PCDHGB1: variants seen among roughly 807,000 people sequenced by gnomAD.
PCDHGB1 encodes protocadherin gamma-B1.
PCDHGB1 carries 34 observed loss-of-function variants against 56.6 expected under a neutral mutation model. That is an observed-to-expected ratio of 0.60 (90% CI 0.46 to 0.80). The LOEUF is 0.80. Ranked by LOEUF, PCDHGB1 falls within the 30% of genes least tolerant of loss-of-function variation. The probability of loss-of-function intolerance (pLI) is 0.00; values close to 1 mark genes in which losing one functional copy is unlikely to be tolerated. For synonymous variants in PCDHGB1, 561 were observed against 505.9 expected (o/e 1.11, Z -1.46); for missense variants, 1,278 against 1,204.6 (o/e 1.06, Z -0.90).
chr5:141,429,264 A>T (rs1029363907), intron 1 of PCDHGB1: 1 of 151,938 alleles, frequency 6.6e-6, no homozygotes, highest in Non-Finnish European at 1.5e-5. Flanking sequence ...TGAGGAATAA[A>T]TTTTTTTCCT....
Position 141,490,252 on chromosome 5 carries a change from G to A in PCDHGB1, c.2410-4555G>A, listed in dbSNP as rs150107963. The A allele has an allele frequency of 1.9e-6, 3 of 1,614,252 alleles. No homozygotes were observed. Among genetic ancestry groups the A allele is most frequent in the Non-Finnish European group, 1.7e-6 (2 of 1,180,046 alleles). The stretch of plus-strand genomic sequence containing the variant: ...CATGGAGGGCCACTGTGTGATTCAA[G>A]TGGATGTGGGGGATGTCAATGACAA... On this transcript the variant is annotated intron_variant, in intron 1 of 3. Coordinates refer to ENST00000523390, the MANE Select transcript of PCDHGB1 (RefSeq NM_018922.3). This position sits in a 1 kb window ranked among gnomAD's most constrained non-coding sequence, Gnocchi z 5.4.
chr5:141,393,981 T>G, intron 1 of PCDHGB1: 3 of 1,613,792 alleles, frequency 1.9e-6, no homozygotes, highest in Non-Finnish European at 2.5e-6. Flanking sequence ...ACGTGATAAT[T>G]TACCTTTTAA....
rs766852982 is a variant in PCDHGB1, at chr5:141,486,907, A to G, written c.2410-7900A>G. ...CCCGGCCTGGTTCCTTATGTCCCCA[A>G]GCACTGCCTCCATCAGTTGGTGCTG... On this transcript the variant is annotated intron_variant, in intron 1 of 3. Coordinates refer to ENST00000523390, the MANE Select transcript of PCDHGB1 (RefSeq NM_018922.3). The surrounding 1 kb of genome is among the most constrained non-coding windows in gnomAD (Gnocchi z 5.0). 6.2e-5 allele frequency: 100 copies of G among 1,614,122 alleles called. No homozygotes were observed. The highest frequency in any genetic ancestry group is 8.0e-5 in the Non-Finnish European group (94 of 1,180,056).
intron 1 of PCDHGB1, chr5:141,395,176 A>G (rs750497200): frequency 1.1e-5 from 18 of 1,614,206 alleles, no homozygotes; most frequent in East Asian, 8.9e-5. Flanking sequence ...TGTGAGAAAA[A>G]TGATTCTTTG....
intron 1 of PCDHGB1, chr5:141,426,414 G>A (rs2096934345): frequency 3.5e-6 from 1 of 287,986 alleles, no homozygotes; most frequent in Admixed American, 4.4e-5. Context: ...AAACGGTCCA[G>A]GGCTCCGTGG....
In PCDHGB1 at chr5:141,431,430, G is replaced by A; in HGVS notation, c.2410-63377G>A. ...GACGGGGGCGACCCGGTGCGCACAG[G>A]CACCGCGCGCATCCGCGTGATGGTT... is the stretch of plus-strand genomic sequence containing the variant. On this transcript the variant is annotated intron_variant, in intron 1 of 3. Coordinates refer to ENST00000523390, the MANE Select transcript of PCDHGB1 (RefSeq NM_018922.3). The surrounding 1 kb of genome is among the most constrained non-coding windows in gnomAD (Gnocchi z 4.8). 1 of 1,613,680 alleles carries A rather than the reference G, an allele frequency of 6.2e-7. No individual in the cohort carries two copies. The highest frequency in any genetic ancestry group is 8.5e-7 in the Non-Finnish European group (1 of 1,180,018).
chr5:141,388,378 A>G, intron 1 of PCDHGB1: 1 of 1,614,028 alleles, frequency 6.2e-7, no homozygotes, highest in Non-Finnish European at 8.5e-7. Context: ...ATTGGTAGCA[A>G]CACACTGCAG....
chr5:141,357,346 C>G lies in PCDHGB1; in HGVS notation c.2409+4677C>G, dbSNP rs1200320235. On this transcript the variant is annotated intron_variant, in intron 1 of 3. Coordinates refer to ENST00000523390, the MANE Select transcript of PCDHGB1 (RefSeq NM_018922.3). ...TGTCACGGTGCTGCTAGCACTCAAGCTGAGACGCTGGCACAAGTCACGCCT... is the reference window on the plus strand; with the variant it reads ...TGTCACGGTGCTGCTAGCACTCAAGGTGAGACGCTGGCACAAGTCACGCCT... The G allele has an allele frequency of 1.9e-6, 3 of 1,614,002 alleles. No individual in the cohort carries two copies. Among genetic ancestry groups the G allele is most frequent in the Non-Finnish European group, 2.5e-6 (3 of 1,179,964 alleles).
chr5:141,421,847 C>G, intron 1 of PCDHGB1: 1 of 1,613,752 alleles, frequency 6.2e-7, no homozygotes, highest in Non-Finnish European at 8.5e-7. Flanking sequence ...GAGAAAGAGG[C>G]TGCTCACCTG....
intron 1 of PCDHGB1, chr5:141,418,005 A>G: frequency 6.2e-7 from 1 of 1,613,764 alleles, no homozygotes. Flanking sequence ...GTGGTGGGGA[A>G]CCTCGCTAAG....
chr5:141,413,483 G>A (rs2095646690), intron 1 of PCDHGB1: 1 of 1,614,080 alleles, frequency 6.2e-7, no homozygotes, highest in East Asian at 2.2e-5. Flanking sequence ...TGCGCTCAGA[G>A]CGCGCGGTGC....
At chr5:141,456,220 T>C (rs965297694) in intron 1 of PCDHGB1, among the ~76,000 whole-genome samples, 1 of 152,098 alleles carries the variant, frequency 6.6e-6, no homozygotes, top group Admixed American at 6.6e-5. Context: ...TGTGGCGATA[T>C]CAAACTAACT....
rs1421124374 is a variant in PCDHGB1, at chr5:141,431,186, A to G, written c.2410-63621A>G. The G allele has an allele frequency of 1.9e-6, 3 of 1,614,110 alleles. No individual in the cohort carries two copies. ...TGAAAGTGAATTAGAAATAAAAATT[A>G]GTGAAAATGCAGCCACTGAGATGCG... On this transcript the variant is annotated intron_variant, in intron 1 of 3. Transcript: ENST00000523390. This position sits in a 1 kb window ranked among gnomAD's most constrained non-coding sequence, Gnocchi z 4.8.
intron 1 of PCDHGB1, chr5:141,418,640 A>G (rs1042874136): frequency 1.2e-6 from 2 of 1,614,042 alleles, no homozygotes; most frequent in Non-Finnish European, 1.7e-6. Flanking sequence ...AGGCACCTCC[A>G]TCCTGAGAGT....
intron 1 of PCDHGB1, chr5:141,370,604 A>G (rs1263925299): frequency 6.2e-7 from 1 of 1,613,888 alleles, no homozygotes; most frequent in Non-Finnish European, 8.5e-7. Flanking sequence ...GGGTTATTGC[A>G]GAGAAGAAAT....
Position 141,409,702 on chromosome 5 carries a change from G to A in PCDHGB1, c.2409+57033G>A, listed in dbSNP as rs545411022. The A allele has an allele frequency of 2.0e-5, 32 of 1,613,226 alleles. No homozygotes were observed. In the South Asian group the frequency reaches 3.0e-4, roughly 15 times the overall value. On this transcript the variant is annotated intron_variant, in intron 1 of 3. Transcript: ENST00000523390. ...TGGCGAGTGACCTAGAGCCCCTGGC[G>A]GTGTCGTCATACGTGTCAGTGAGCG...
rs1759045712 is a variant in PCDHGB1 at position 141,352,562 on chromosome 5, C to A, written c.2302C>A (p.Pro768Thr). ...KTEFNSLNLT[P>T]EMAPPQDLLC... The stretch of plus-strand genomic sequence containing the variant: ...AGAGTTTAATTCTCTCAACCTGACA[C>A]CGGAAATGGCTCCCCCTCAGGATCT... The change falls in exon 1 of 4, where the codon CCG (proline) becomes ACG (threonine). Residue 768 changes from proline to threonine, a missense_variant. By Grantham distance (38) the Pro-to-Thr change is conservative. Coordinates refer to ENST00000523390, the MANE Select transcript of PCDHGB1 (RefSeq NM_018922.3). 2 of 1,613,944 alleles carry A rather than the reference C, an allele frequency of 1.2e-6. No homozygotes were observed. The highest frequency in any genetic ancestry group is 2.7e-5 in the African/African-American group (2 of 75,042).
intron 1 of PCDHGB1, among the ~76,000 whole-genome samples, chr5:141,448,451 C>T (rs1261733103): frequency 6.6e-6 from 1 of 152,032 alleles, no homozygotes; most frequent in Admixed American, 6.6e-5. Context: ...GACTTCCATC[C>T]CTATCCTACT....
intron 1 of PCDHGB1, chr5:141,478,121 G>A (rs1393103666): frequency 1.2e-6 from 2 of 1,613,918 alleles, no homozygotes; most frequent in South Asian, 1.1e-5. Flanking sequence ...AGTAACCGAG[G>A]ACTCTCCTGA....
Sources: allele counts gnomAD v4.1 joint callset (sites outside exome capture counted in the v4.1 genomes callset), GRCh38; gene constraint gnomAD v4.1.1; non-coding constraint Gnocchi (gnomAD v3.1); transcripts MANE v1.5; gene names NCBI Gene and HGNC (gene_info 2026-07-23, HGNC 2026-07-21).